The following RSU1 variants were observed in gnomAD, a reference collection of about 807,000 sequenced individuals.
The protein encoded by RSU1 is rsu-1.
In RSU1, 26 loss-of-function variants were observed where a neutral mutation model predicts 31.1. The ratio of observed to expected loss-of-function variants is 0.84; its 90% CI spans 0.61 to 1.16. RSU1 has a LOEUF of 1.16. Ranked by LOEUF, RSU1 falls within the 50% of genes most tolerant of loss-of-function variation. The pLI, the probability that RSU1 is intolerant of heterozygous loss-of-function variation, is 0.00. For synonymous variants in RSU1, 164 were observed against 136.3 expected, an observed-to-expected ratio of 1.20 and a Z score of -1.41; for missense variants, 320 against 339.1, an observed-to-expected ratio of 0.94 and a Z score of 0.44.
intron 8 of RSU1, among the ~76,000 whole-genome samples, chr10:16,678,360 G>A (rs1279972036): frequency 6.6e-6 from 1 of 152,212 alleles, no homozygotes; most frequent in African/African-American, 2.4e-5. Context: ...ATTTCACAAT[G>A]CTTCAGCCAA....
At chr10:16,674,405 T>C (rs1183567444) in intron 8 of RSU1, among the ~76,000 whole-genome samples, 1 of 151,856 alleles carries the variant, frequency 6.6e-6, no homozygotes, top group African/African-American at 2.4e-5. Flanking sequence ...GAAGGTTTTT[T>C]TTTTTTTTTT....
intron 2 of RSU1, among the ~76,000 whole-genome samples, chr10:16,813,436 G>A (rs973531325): frequency 6.6e-6 from 1 of 152,108 alleles, no homozygotes; most frequent in African/African-American, 2.4e-5. Flanking sequence ...TTGGAACTGG[G>A]TATGTCTGAG....
intron 7 of RSU1, among the ~76,000 whole-genome samples, chr10:16,720,708 G>C (rs12571592): frequency 0.14 from 20,994 of 152,246 alleles, 3,449 homozygotes; most frequent in African/African-American, 0.4. Context: ...TATGTGCACA[G>C]ACAAACCCCC....
intron 8 of RSU1, among the ~76,000 whole-genome samples, chr10:16,642,466 A>C (rs146648832): frequency 1.3e-5 from 2 of 151,978 alleles, no homozygotes; most frequent in African/African-American, 2.4e-5. Context: ...CCTATCAGTG[A>C]TTTTTCATAG....
chr10:16,687,756 A>G (rs926861648), intron 8 of RSU1, among the ~76,000 whole-genome samples: 4 of 152,144 alleles, frequency 2.6e-5, no homozygotes, highest in African/African-American at 7.2e-5. Context: ...GTCTCACTCT[A>G]TCACTGAAGC....
intron 7 of RSU1, among the ~76,000 whole-genome samples, chr10:16,720,630 T>TA (rs1416009803): frequency 1.3e-5 from 2 of 152,208 alleles, no homozygotes; most frequent in African/African-American, 4.8e-5. Flanking sequence ...AATACATAAA[T>TA]AAGTATACTA....
At chr10:16,764,761 T>C (rs1461951630) in intron 3 of RSU1, among the ~76,000 whole-genome samples, 3 of 152,112 alleles carry the variant, frequency 2.0e-5, no homozygotes, top group Non-Finnish European at 4.4e-5. Flanking sequence ...AGATGGACAA[T>C]GAGGGGGGAA....
At chr10:16,705,591 C>T (rs911160090) in intron 7 of RSU1, among the ~76,000 whole-genome samples, 1 of 152,168 alleles carries the variant, frequency 6.6e-6, no homozygotes, top group East Asian at 1.9e-4. Flanking sequence ...CCAGTTCAAA[C>T]GATTTTCCTG....
chr10:16,636,175 T>G (rs539426347), intron 8 of RSU1, among the ~76,000 whole-genome samples: 1 of 152,282 alleles, frequency 6.6e-6, no homozygotes, highest in African/African-American at 2.4e-5. Context: ...ATCTCAATCC[T>G]GCCTCCAGAT....
At chr10:16,626,870 T>C (rs982762524) in intron 8 of RSU1, among the ~76,000 whole-genome samples, 17 of 152,198 alleles carry the variant, frequency 1.1e-4, no homozygotes, top group East Asian at 3.8e-4. Context: ...GCCTGGAGCA[T>C]TGGGAGTGGT....
In RSU1 at chr10:16,591,472, G is replaced by C. The variant is rs756819242; in HGVS notation, c.*1922C>G. 5 of 152,076 alleles carry C rather than the reference G, an allele frequency of 3.3e-5. No individual in the cohort carries two copies. The highest frequency in any genetic ancestry group is 4.8e-5 in the African/African-American group (2 of 41,392). 9.4% of individuals were successfully genotyped at this position (152,076 alleles called of 1,614,324 possible). ...TCGTCAAACTGCTACGGCCTTTCTG[G>C]AGCGAAATTTATATTCCCAGTAGCC... On this transcript the variant is annotated 3_prime_UTR_variant, in exon 9 of 9. Transcript: ENST00000345264.
intron 8 of RSU1, among the ~76,000 whole-genome samples, chr10:16,637,672 G>A (rs551401978): frequency 6.6e-6 from 1 of 151,976 alleles, no homozygotes; most frequent in East Asian, 1.9e-4. Flanking sequence ...ATAATCATAG[G>A]GCCCCATTAT....
At chr10:16,782,290 T>A (rs969222247) in intron 2 of RSU1, among the ~76,000 whole-genome samples, 3 of 152,206 alleles carry the variant, frequency 2.0e-5, no homozygotes, top group Non-Finnish European at 4.4e-5. Context: ...ACGGTGCAAT[T>A]AGCTCAGCAA....
intron 7 of RSU1, among the ~76,000 whole-genome samples, chr10:16,745,126 C>A (rs182016619): frequency 6.6e-6 from 1 of 152,244 alleles, no homozygotes; most frequent in East Asian, 1.9e-4. Context: ...TTCAGAAGAG[C>A]CCAGGTTTCA....
At position 16,595,128 on chromosome 10, in the gene RSU1, G is replaced by A. The variant is rs182291294; in HGVS notation, c.732-1632C>T. Among the ~76,000 whole-genome samples the A allele has an allele frequency of 1.6e-3, 241 of 152,216 alleles. 2 individuals are homozygous for A. The highest frequency in any genetic ancestry group is 5.7e-3 in the African/African-American group (236 of 41,540). On this transcript the variant is annotated intron_variant, in intron 8 of 8. Coordinates refer to ENST00000345264, the MANE Select transcript of RSU1 (RefSeq NM_012425.4). The stretch of plus-strand genomic sequence containing the variant: ...CATGGGGTCTCACTAGGTTGCCCAG[G>A]CTGGTGTTACACTCCTGGCCCCAAG...
rs76308078 is a variant in RSU1, at chr10:16,783,983, T to C, written c.110-1899A>G. 7.3e-3 allele frequency among the ~76,000 whole-genome samples: 1,108 copies of C among 152,346 alleles called. 13 individuals are homozygous for C. Among genetic ancestry groups the C allele is most frequent in the African/African-American group, 0.025 (1,057 of 41,578 alleles). On this transcript the variant is annotated intron_variant, in intron 2 of 8. Transcript: ENST00000345264. ...GCTGCAGGTAGCTGTCAGGTCTTTG[T>C]CGTCTCCTCTAAGCTGAGAATTTCT...
intron 3 of RSU1, among the ~76,000 whole-genome samples, chr10:16,781,136 C>T (rs1038830656): frequency 1.3e-5 from 2 of 152,120 alleles, no homozygotes; most frequent in African/African-American, 4.8e-5. Flanking sequence ...ATTCTTGCCA[C>T]ATGATTAGAA....
At chr10:16,629,725 C>T (rs78395447) in intron 8 of RSU1, among the ~76,000 whole-genome samples, 57 of 152,254 alleles carry the variant, frequency 3.7e-4, no homozygotes, top group African/African-American at 1.3e-3. Flanking sequence ...ATTTATGTAT[C>T]TGTCATTACC....
intron 8 of RSU1, among the ~76,000 whole-genome samples, chr10:16,682,590 G>T (rs1588712551): frequency 7.6e-6 from 1 of 130,832 alleles, no homozygotes; most frequent in African/African-American, 3.0e-5. Flanking sequence ...ATGTTACCTA[G>T]GGTGGACATG....
Sources: allele counts gnomAD v4.1 joint callset (sites outside exome capture counted in the v4.1 genomes callset), GRCh38; gene constraint gnomAD v4.1.1; transcripts MANE v1.5; gene names NCBI Gene and HGNC (gene_info 2026-07-23, HGNC 2026-07-21).